The following RFX2 variants were observed in gnomAD, a reference collection of about 807,000 sequenced individuals.
RFX2 encodes DNA-binding protein RFX2.
Under a neutral mutation model 87.8 loss-of-function variants are expected in RFX2, and 20 were observed. That is an observed-to-expected ratio of 0.23 (90% CI 0.16 to 0.33). The LOEUF (loss-of-function observed/expected upper bound fraction) is 0.33. RFX2 is among the 10% of genes least tolerant of loss of function. RFX2 has a pLI of 1.00. For missense variants in RFX2, 767 were observed against 1,012.3 expected, an observed-to-expected ratio of 0.76 and a Z score of 3.29; for synonymous variants, 397 against 431.3, an observed-to-expected ratio of 0.92 and a Z score of 0.98.
intron 1 of RFX2, among the ~76,000 whole-genome samples, chr19:6,090,381 A>T (rs1485042271): frequency 1.3e-5 from 2 of 152,038 alleles, no homozygotes; most frequent in Non-Finnish European, 2.9e-5. Flanking sequence ...AAAAAAAAAA[A>T]AAAAAAAGAA....
chr19:6,033,274 T>C (rs1341033272), intron 5 of RFX2, among the ~76,000 whole-genome samples: 2 of 152,200 alleles, frequency 1.3e-5, no homozygotes, highest in East Asian at 1.9e-4. Flanking sequence ...TGGGATCACA[T>C]ACTGTGATCA....
chr19:6,001,977 C>T lies in RFX2; in HGVS notation c.1697G>A (p.Arg566Gln), dbSNP rs767084173. Residue 566 changes from arginine (R) to glutamine (Q), a missense_variant, in exon 15 of 18, where the codon CGG becomes CAG. Coordinates refer to ENST00000303657, the MANE Select transcript of RFX2 (RefSeq NM_000635.4). The surrounding 1 kb of genome is among the most constrained non-coding windows in gnomAD (Gnocchi z 5.6). ...GGTCAGCTTGAAATCCTGCTCCAGC[C>T]GCTGCACCACACTCTCCTCGCACTG... The part of the protein sequence containing the change: ...VCQCEESVVQ[R>Q]LEQDFKLTLQ... The T allele has an allele frequency of 3.7e-5, 59 of 1,611,850 alleles. No individual in the cohort carries two copies. The highest frequency in any genetic ancestry group is 1.6e-4 in the Middle Eastern group (1 of 6,064).
chr19:6,059,690 C>T (rs903483886), intron 1 of RFX2, among the ~76,000 whole-genome samples: 1 of 152,038 alleles, frequency 6.6e-6, no homozygotes, highest in Admixed American at 6.6e-5. Context: ...GTATACACTC[C>T]CCACGTATGC....
chr19:6,030,665 A>T (rs2086943513), intron 5 of RFX2, among the ~76,000 whole-genome samples: 1 of 152,176 alleles, frequency 6.6e-6, no homozygotes. Context: ...GATATTCTGG[A>T]ACTAGATAAT....
chr19:6,096,210 C>T (rs1181994900), intron 1 of RFX2, among the ~76,000 whole-genome samples: 1 of 152,134 alleles, frequency 6.6e-6, no homozygotes, highest in Non-Finnish European at 1.5e-5. Context: ...ATAGGTTCCT[C>T]GAATTTAAAA....
chr19:6,041,153 C>A (rs1427565177), intron 4 of RFX2, among the ~76,000 whole-genome samples: 1 of 152,164 alleles, frequency 6.6e-6, no homozygotes, highest in Non-Finnish European at 1.5e-5. Flanking sequence ...ACTGCAGCCT[C>A]AGCCTCCTGA....
chr19:6,043,126 C>T (rs749106815), intron 3 of RFX2, among the ~76,000 whole-genome samples: 1 of 152,166 alleles, frequency 6.6e-6, no homozygotes, highest in African/African-American at 2.4e-5. Context: ...AGTCAAATGT[C>T]GAATTCTGGG....
intron 1 of RFX2, among the ~76,000 whole-genome samples, chr19:6,084,674 GC>G (rs1232709865): frequency 7.1e-6 from 1 of 141,752 alleles, no homozygotes; most frequent in Non-Finnish European, 1.5e-5. Context: ...CGCTCTTGTT[GC>G]CCAGGCAGGA....
At chr19:6,018,478 G>T (rs1483853433) in intron 6 of RFX2, among the ~76,000 whole-genome samples, 4 of 152,240 alleles carry the variant, frequency 2.6e-5, no homozygotes, top group Admixed American at 2.0e-4. Context: ...AGGACAAACA[G>T]GTCAAAGGTT....
chr19:6,060,401 C>T (rs1045908472), intron 1 of RFX2, among the ~76,000 whole-genome samples: 2 of 152,196 alleles, frequency 1.3e-5, no homozygotes, highest in Non-Finnish European at 2.9e-5. Context: ...TTCCGTCTCC[C>T]TCCAAGGACC....
chr19:6,093,013 G>A (rs780501474), intron 1 of RFX2, among the ~76,000 whole-genome samples: 2 of 152,138 alleles, frequency 1.3e-5, no homozygotes, highest in African/African-American at 2.4e-5. Context: ...TGCTGGAGGC[G>A]GCGTAGTTTC....
intron 1 of RFX2, among the ~76,000 whole-genome samples, chr19:6,060,475 C>A (rs76623884): frequency 0.015 from 2,336 of 152,294 alleles, 49 homozygotes; most frequent in African/African-American, 0.053. Flanking sequence ...TAGACAAGCT[C>A]ACATCACACC....
Position 6,064,810 on chromosome 19 carries a change from C to T in RFX2, c.-8-17306G>A, listed in dbSNP as rs2087486396. Among the ~76,000 whole-genome samples the T allele has an allele frequency of 6.6e-6, 1 of 152,204 alleles. No individual in the cohort carries two copies. Among genetic ancestry groups the T allele is most frequent in the African/African-American group, 2.4e-5 (1 of 41,446 alleles). On this transcript the variant is annotated intron_variant, in intron 1 of 17. Transcript: ENST00000303657. The surrounding 1 kb of genome is among the most constrained non-coding windows in gnomAD (Gnocchi z 4.8). ...CATAGGGGACCTTTTCAATCTACCT[C>T]CTACCTCCCCTCCAGTCGTGATTTG...
chr19:6,013,333 G>C lies in RFX2; in HGVS notation c.780-228C>G, dbSNP rs535748957. Among the ~76,000 whole-genome samples the C allele has an allele frequency of 6.6e-6, 1 of 151,840 alleles. No individual in the cohort carries two copies. ...CCCAAGTAGCTGGGATGACAGGCGT[G>C]AGCCATAATGCCTAGCTTATTTTTG... is the stretch of plus-strand genomic sequence containing the variant. On this transcript the variant is annotated intron_variant, in intron 7 of 17. Transcript: ENST00000303657. This position sits in a 1 kb window ranked among gnomAD's most constrained non-coding sequence, Gnocchi z 4.1.
In RFX2 at chr19:6,007,269, G is replaced by A. The variant is rs563942222; in HGVS notation, c.1248-103C>T. ...CGGGCTGCGGGACTTTTGCCCAACA[G>A]TGGGGCTGGGGTTTTGCTCCCCATC... On this transcript the variant is annotated intron_variant, in intron 11 of 17. Transcript: ENST00000303657. The surrounding 1 kb of genome is among the most constrained non-coding windows in gnomAD (Gnocchi z 8.2). 8.1e-7 allele frequency: 1 copy of A among 1,240,582 alleles called. No homozygotes were observed. The highest frequency in any genetic ancestry group is 1.1e-6 in the Non-Finnish European group (1 of 885,278). 76.8% of individuals were successfully genotyped at this position (1,240,582 alleles called of 1,614,324 possible). A position where few individuals can be genotyped will look rare whatever the true frequency, so the allele number is the denominator to read the frequency against.
rs2144696814 is a variant in RFX2, at chr19:6,011,099, A to G, written c.900-848T>C. 6.6e-6 allele frequency among the ~76,000 whole-genome samples: 1 copy of G among 152,214 alleles called. No individual in the cohort carries two copies. Among genetic ancestry groups the G allele is most frequent in the East Asian group, 1.9e-4 (1 of 5,182 alleles). On this transcript the variant is annotated intron_variant, in intron 8 of 17. Coordinates refer to ENST00000303657, the MANE Select transcript of RFX2 (RefSeq NM_000635.4). This position sits in a 1 kb window ranked among gnomAD's most constrained non-coding sequence, Gnocchi z 4.8. ...CCATTGCACTCCAGCCTGGGCGACA[A>G]AAGCGAAACTCGGTCTCAAAAAAAA...
chr19:6,095,123 TAA>T (rs1463204851), intron 1 of RFX2, among the ~76,000 whole-genome samples: 1 of 151,986 alleles, frequency 6.6e-6, no homozygotes, highest in East Asian at 1.9e-4. Flanking sequence ...AATAAATAAA[TAA>T]ATAAAAACAA....
In RFX2 at chr19:6,047,419, T is replaced by A; in HGVS notation, c.78A>T (p.Pro26=). ...LRPSAAAPPV[P]ASPQRVLVQA... is the part of the protein sequence containing the mutation. ...AGGCGCGCGTTACCTGCGGGGAGGC[T>A]GGCACAGGCGGGGCTGCCGCCGAGG... Residue 26 remains proline (P), a synonymous_variant, in exon 2 of 18, where the codon CCA becomes CCT. Transcript: ENST00000303657. The surrounding 1 kb of genome is among the most constrained non-coding windows in gnomAD (Gnocchi z 4.2). 1 of 1,608,190 alleles carries A rather than the reference T, an allele frequency of 6.2e-7. No homozygotes were observed.
chr19:6,105,310 G>A (rs1457082303), intron 1 of RFX2, among the ~76,000 whole-genome samples: 1 of 152,082 alleles, frequency 6.6e-6, no homozygotes, highest in African/African-American at 2.4e-5. Flanking sequence ...GTGGCCTGGT[G>A]ACATCTGAGA....
Sources: gnomAD v4.1 joint callset for allele counts (sites outside exome capture counted in the v4.1 genomes callset) on GRCh38, gnomAD v4.1.1 for gene constraint, Gnocchi (gnomAD v3.1) non-coding constraint, MANE v1.5 for transcripts, NCBI Gene and HGNC (gene_info 2026-07-23, HGNC 2026-07-21) for gene names.